The following RASAL2 variants were observed in gnomAD, a reference collection of about 807,000 sequenced individuals.
RASAL2 encodes RAS protein activator like 2.
RASAL2 carries 58 observed loss-of-function variants against 128.9 expected under a neutral mutation model. The ratio of observed to expected loss-of-function variants is 0.45; its 90% CI spans 0.36 to 0.56. The LOEUF is 0.56. RASAL2 is among the 20% of genes least tolerant of loss of function. The pLI, the probability that RASAL2 is intolerant of heterozygous loss-of-function variation, is 0.00. For missense variants in RASAL2, 1,360 were observed against 1,601.6 expected (o/e 0.85, Z 2.57); for synonymous variants, 561 against 580.8 (o/e 0.97, Z 0.49).
chr1:178,176,520 T>G (rs1474520354), intron 1 of RASAL2, among the ~76,000 whole-genome samples: 1 of 152,114 alleles, frequency 6.6e-6, no homozygotes, highest in African/African-American at 2.4e-5. Flanking sequence ...TCACCGAGCT[T>G]AGACGCAGCC....
At chr1:178,200,400 T>C (rs1235721517) in intron 1 of RASAL2, among the ~76,000 whole-genome samples, 2 of 152,084 alleles carry the variant, frequency 1.3e-5, no homozygotes, top group Non-Finnish European at 2.9e-5. Context: ...AGGCAAAGAG[T>C]TTAGCAACTT....
chr1:178,136,189 G>A (rs188586225), intron 1 of RASAL2, among the ~76,000 whole-genome samples: 1 of 152,224 alleles, frequency 6.6e-6, no homozygotes, highest in East Asian at 1.9e-4. Context: ...CTGTCCTTTT[G>A]TAGCTCTGTA....
intron 17 of RASAL2, among the ~76,000 whole-genome samples, chr1:178,467,760 T>A (rs1164428889): frequency 2.0e-5 from 3 of 152,260 alleles, no homozygotes; most frequent in Non-Finnish European, 4.4e-5. Context: ...TGTGCCTGGC[T>A]TGTGACCTCC....
At chr1:178,242,689 T>C (rs1191952925) in intron 1 of RASAL2, among the ~76,000 whole-genome samples, 1 of 152,114 alleles carries the variant, frequency 6.6e-6, no homozygotes, top group Non-Finnish European at 1.5e-5. Context: ...TTAGCTCTAC[T>C]TTCTTCTCTC....
chr1:178,263,629 A>G (rs1171839279), intron 1 of RASAL2, among the ~76,000 whole-genome samples: 1 of 152,132 alleles, frequency 6.6e-6, no homozygotes, highest in East Asian at 1.9e-4. Context: ...CAAATAACCT[A>G]AGTTGAGGAC....
intron 1 of RASAL2, among the ~76,000 whole-genome samples, chr1:178,236,474 A>C (rs1415907880): frequency 2.0e-5 from 3 of 152,176 alleles, no homozygotes. Context: ...TTTACTAGTC[A>C]ACCAAGTGTT....
At chr1:178,295,851 G>C (rs72707005) in intron 2 of RASAL2, among the ~76,000 whole-genome samples, 104 of 152,250 alleles carry the variant, frequency 6.8e-4, no homozygotes, top group Admixed American at 9.8e-4. Context: ...GCATATAGTA[G>C]TCCTGAGCAT....
intron 1 of RASAL2, among the ~76,000 whole-genome samples, chr1:178,259,374 G>A (rs866279517): frequency 9.9e-5 from 15 of 151,998 alleles, no homozygotes; most frequent in East Asian, 5.8e-4. Flanking sequence ...CTCGTGATCC[G>A]CCCGCCTCGG....
intron 3 of RASAL2, chr1:178,372,126 T>C (rs1671753052): frequency 1.0e-6 from 1 of 972,758 alleles, no homozygotes; most frequent in Non-Finnish European, 1.2e-6. Flanking sequence ...TCATCATTAC[T>C]GCCTAGCCAG....
intron 8 of RASAL2, among the ~76,000 whole-genome samples, chr1:178,444,585 C>A (rs185251238): frequency 1.3e-5 from 2 of 152,184 alleles, no homozygotes; most frequent in East Asian, 3.9e-4. Flanking sequence ...ACTGAACAAC[C>A]AACATTGAGC....
chr1:178,300,044 G>A lies in RASAL2; in HGVS notation c.383G>A (p.Cys128Tyr). The part of the protein sequence containing the change: ...EQQTDSTKGR[C>Y]LRRTVSVPSE... ...CAGACAGATTCCACCAAAGGGCGAT[G>A]CCTGAGGAGAACTGTCAGTGTCCCT... Residue 128 changes from cysteine to tyrosine, a missense_variant, in exon 3 of 18, where the codon TGC becomes TAC. Transcript: ENST00000367649. The A allele has an allele frequency of 6.2e-7, 1 of 1,614,016 alleles. No individual in the cohort carries two copies. Among genetic ancestry groups the A allele is most frequent in the Non-Finnish European group, 8.5e-7 (1 of 1,179,932 alleles).
rs775126608 is a variant in RASAL2, at chr1:178,458,486, C to T, written c.3194C>T (p.Ser1065Phe). ...AGCCGGTCCCGGCAGCAGTCCTCTTCCTCCAGAGAGAGCCCTGTTCCCAAA... is the reference window on the plus strand; with the variant it reads ...AGCCGGTCCCGGCAGCAGTCCTCTTTCTCCAGAGAGAGCCCTGTTCCCAAA... Reference protein sequence around the residue: ...NGSRSRQQSSSSRESPVPKVR... With the variant: ...NGSRSRQQSSFSRESPVPKVR... The change falls in exon 14 of 18, where the codon TCC becomes TTC. Residue 1065 changes from serine to phenylalanine, a missense_variant. Around this residue, in one of 3 missense-constraint regions of RASAL2, gnomAD observed 741 missense variants for 868.6 expected, o/e 0.85. Coordinates refer to ENST00000367649, the MANE Select transcript of RASAL2 (RefSeq NM_170692.4). 6.2e-7 allele frequency: 1 copy of T among 1,614,048 alleles called. No homozygotes were observed. The highest frequency in any genetic ancestry group is 1.7e-5 in the Admixed American group (1 of 60,020).
intron 1 of RASAL2, among the ~76,000 whole-genome samples, chr1:178,218,010 A>G (rs1663483981): frequency 6.6e-6 from 1 of 152,188 alleles, no homozygotes; most frequent in Non-Finnish European, 1.5e-5. Context: ...ATAAACTTCC[A>G]TCTCAAGAAG....
At chr1:178,439,197 A>G (rs1676461507) in intron 5 of RASAL2, among the ~76,000 whole-genome samples, 2 of 152,192 alleles carry the variant, frequency 1.3e-5, no homozygotes, top group South Asian at 4.1e-4. Context: ...TTTTTATGCC[A>G]TATTGAAAAA....
intron 3 of RASAL2, among the ~76,000 whole-genome samples, chr1:178,387,087 A>G (rs1217432733): frequency 2.6e-5 from 4 of 152,220 alleles, no homozygotes; most frequent in Non-Finnish European, 5.9e-5. Flanking sequence ...GCTTTGAAGT[A>G]GTTATGAATC....
At chr1:178,301,483 A>T (rs2102273606) in intron 3 of RASAL2, among the ~76,000 whole-genome samples, 1 of 151,052 alleles carries the variant, frequency 6.6e-6, no homozygotes. Context: ...CCCAGGCTGG[A>T]GTGCAATGGC....
chr1:178,189,434 C>A (rs1219179256), intron 1 of RASAL2, among the ~76,000 whole-genome samples: 1 of 152,148 alleles, frequency 6.6e-6, no homozygotes, highest in Non-Finnish European at 1.5e-5. Flanking sequence ...CATCCTGAGT[C>A]ATTGGTCTTA....
At chr1:178,171,369 C>G (rs1029921630) in intron 1 of RASAL2, among the ~76,000 whole-genome samples, 1 of 151,888 alleles carries the variant, frequency 6.6e-6, no homozygotes, top group African/African-American at 2.4e-5. Context: ...TAACTGCAGA[C>G]TGTCATATAT....
chr1:178,100,038 A>G (rs1224885430), intron 1 of RASAL2, among the ~76,000 whole-genome samples: 1 of 152,130 alleles, frequency 6.6e-6, no homozygotes, highest in Non-Finnish European at 1.5e-5. Flanking sequence ...CTTTACTGCC[A>G]GAAAAGTTGC....
Sources: allele counts gnomAD v4.1 joint callset (sites outside exome capture counted in the v4.1 genomes callset), GRCh38; gene constraint gnomAD v4.1.1; regional missense constraint gnomAD v4.1.1; transcripts MANE v1.5; gene names NCBI Gene and HGNC (gene_info 2026-07-23, HGNC 2026-07-21).